COL6A6: variants seen among roughly 807,000 people sequenced by gnomAD.
COL6A6 encodes the protein collagen type VI alpha 6 chain.
COL6A6 carries 183 observed loss-of-function variants against 208.6 expected under a neutral mutation model. That is an observed-to-expected ratio of 0.88 (90% CI 0.78 to 0.99). The LOEUF (loss-of-function observed/expected upper bound fraction) is 0.99, where lower values mean the gene tolerates loss of function less well. Ranked by LOEUF, COL6A6 falls within the 50% of genes least tolerant of loss-of-function variation. The probability of loss-of-function intolerance (pLI) is 0.00; values close to 1 mark genes in which losing one functional copy is unlikely to be tolerated. For synonymous variants in COL6A6, 973 were observed against 1,011.8 expected (o/e 0.96, Z 0.73); for missense variants, 2,816 against 2,815.2 (o/e 1.00, Z -0.01).
chr3:130,528,735 A>G (rs2062016504), intron 1 of COL6A6, among the ~76,000 whole-genome samples: 1 of 152,092 alleles, frequency 6.6e-6, no homozygotes, highest in South Asian at 2.1e-4. Flanking sequence ...TCAGGTTCCT[A>G]TTTCAGATCA....
intron 3 of COL6A6, among the ~76,000 whole-genome samples, chr3:130,564,427 A>G (rs973889313): frequency 2.0e-5 from 3 of 152,242 alleles, no homozygotes; most frequent in Non-Finnish European, 4.4e-5. Context: ...ATGTCCAAAT[A>G]TGTTATATAG....
intron 29 of COL6A6, 145 bp from the exon 30 acceptor site, chr3:130,642,687 C>T (rs954139718): frequency 1.5e-6 from 1 of 654,198 alleles, no homozygotes; most frequent in Non-Finnish European, 2.6e-6. Flanking sequence ...TAATGAGTAC[C>T]TACCTGCATT....
Position 130,571,140 on chromosome 3 carries a change from C to G in COL6A6, c.2724C>G (p.Asn908Lys). 6.2e-7 allele frequency: 1 copy of G among 1,613,790 alleles called. No individual in the cohort carries two copies. The highest frequency in any genetic ancestry group is 8.5e-7 in the Non-Finnish European group (1 of 1,179,734). Residue 908 changes from asparagine to lysine, a missense_variant, in exon 7 of 37, where the codon AAC becomes AAG. Asn to Lys is a moderately conservative substitution (Grantham distance 94, BLOSUM62 0). Coordinates refer to ENST00000358511, the MANE Select transcript of COL6A6 (RefSeq NM_001102608.3). Reference sequence around the variant, plus strand: ...CTGAAGCCCGGGGCAGCCGCCTGAACAAGGGGGTCCCCCAAGTCCTCATTG... The same window carrying G: ...CTGAAGCCCGGGGCAGCCGCCTGAAGAAGGGGGTCCCCCAAGTCCTCATTG... ...MFTEARGSRLNKGVPQVLIVI... is the reference protein window; with the variant it reads ...MFTEARGSRLKKGVPQVLIVI...
chr3:130,582,196 G>C (rs903609427), intron 10 of COL6A6, 128 bp downstream of exon 10: 1 of 633,050 alleles, frequency 1.6e-6, no homozygotes, highest in Non-Finnish European at 2.7e-6. Context: ...TCCGTATTCT[G>C]TATGTACTAG....
chr3:130,542,346 T>C (rs1485644100), intron 1 of COL6A6, among the ~76,000 whole-genome samples: 1 of 152,170 alleles, frequency 6.6e-6, no homozygotes, highest in Admixed American at 6.5e-5. Flanking sequence ...CCAGCTACAT[T>C]TTTTGTTATT....
Position 130,574,147 on chromosome 3 carries a change from T to C in COL6A6, c.3169T>C (p.Phe1057Leu). The change falls in exon 8 of 37, where the codon TTC becomes CTC. Residue 1057 changes from phenylalanine (F) to leucine (L), a missense_variant. Transcript: ENST00000358511. ...TYHPEFPLGT[F>L]IGEKEISFQI... is the part of the protein sequence containing the mutation. ...TCACCCGGAGTTTCCACTGGGAACTTTCATAGGTGAAAAAGAGATATCATT... is the reference window on the plus strand; with the variant it reads ...TCACCCGGAGTTTCCACTGGGAACTCTCATAGGTGAAAAAGAGATATCATT... The C allele has an allele frequency of 1.2e-6, 2 of 1,613,960 alleles. No homozygotes were observed. Among genetic ancestry groups the C allele is most frequent in the Non-Finnish European group, 1.7e-6 (2 of 1,179,884 alleles).
intron 28 of COL6A6, among the ~76,000 whole-genome samples, chr3:130,640,235 T>A (rs933763826): frequency 9.2e-5 from 14 of 152,248 alleles, no homozygotes; most frequent in African/African-American, 3.1e-4. Context: ...GGTTCTTGGC[T>A]TTCCCTGCTG....
chr3:130,535,221 C>G (rs1441907328), intron 1 of COL6A6, among the ~76,000 whole-genome samples: 1 of 152,024 alleles, frequency 6.6e-6, no homozygotes, highest in Non-Finnish European at 1.5e-5. Context: ...TTTTTCTTTG[C>G]TTTACTCTGG....
At chr3:130,522,304 C>T (rs143159633) in intron 1 of COL6A6, among the ~76,000 whole-genome samples, 10 of 152,280 alleles carry the variant, frequency 6.6e-5, no homozygotes, top group Non-Finnish European at 4.4e-5. Flanking sequence ...TGGAAACTGT[C>T]ATGGGACATG....
At chr3:130,586,197 G>A (rs1348208091) in intron 10 of COL6A6, among the ~76,000 whole-genome samples, 5 of 152,158 alleles carry the variant, frequency 3.3e-5, no homozygotes, top group Non-Finnish European at 5.9e-5. Context: ...CTTAGTGTGT[G>A]AATTTCTCTT....
At chr3:130,520,273 C>T (rs1490346407) in intron 1 of COL6A6, among the ~76,000 whole-genome samples, 1 of 152,174 alleles carries the variant, frequency 6.6e-6, no homozygotes, top group Non-Finnish European at 1.5e-5. Context: ...AATTTTAAAG[C>T]AGTTACCAAA....
chr3:130,543,793 C>G (rs1463930356), intron 1 of COL6A6, among the ~76,000 whole-genome samples: 1 of 151,890 alleles, frequency 6.6e-6, no homozygotes, highest in African/African-American at 2.4e-5. Context: ...ATTTTATTTT[C>G]TGATGCTTTT....
At chr3:130,560,644 G>T (rs563815221) in intron 2 of COL6A6, among the ~76,000 whole-genome samples, 41 of 152,264 alleles carry the variant, frequency 2.7e-4, no homozygotes, top group African/African-American at 9.9e-4. Context: ...TAATAGATAT[G>T]AGAGCTGTCA....
intron 21 of COL6A6, among the ~76,000 whole-genome samples, chr3:130,607,556 G>A (rs2064221710): frequency 6.6e-6 from 1 of 152,088 alleles, no homozygotes; most frequent in Non-Finnish European, 1.5e-5. Context: ...TGGCAACATG[G>A]TGAGACTCCA....
At position 130,566,875 on chromosome 3, in the gene COL6A6, T is replaced by A; in HGVS notation, c.1456T>A (p.Leu486Met). The change falls in exon 5 of 37, where the codon TTG becomes ATG. Residue 486 changes from leucine to methionine, a missense_variant. Coordinates refer to ENST00000358511, the MANE Select transcript of COL6A6 (RefSeq NM_001102608.3). ...CGTTCAGTATGCTGACAGCTGGGAC[T>A]TGGAATTTGAGATCAATAAATACTC... The part of the protein sequence containing the change: ...GAVQYADSWD[L>M]EFEINKYSNK... 1 of 1,614,004 alleles carries A rather than the reference T, an allele frequency of 6.2e-7. No homozygotes were observed. The highest frequency in any genetic ancestry group is 8.5e-7 in the Non-Finnish European group (1 of 1,179,884).
chr3:130,616,769 T>G (rs946463035), intron 23 of COL6A6, among the ~76,000 whole-genome samples: 12 of 152,136 alleles, frequency 7.9e-5, no homozygotes, highest in Non-Finnish European at 7.4e-5. Context: ...GTAAATGGTA[T>G]ACGGTCTGGA....
At chr3:130,612,291 AAAT>A (rs2064383374) in intron 23 of COL6A6, among the ~76,000 whole-genome samples, 1 of 152,148 alleles carries the variant, frequency 6.6e-6, no homozygotes, top group Non-Finnish European at 1.5e-5. Context: ...TCTTTTGGGT[AAAT>A]AATAATGGGA....
chr3:130,594,424 T>A (rs895944751), intron 18 of COL6A6, 81 bp downstream of exon 18: 24 of 1,081,112 alleles, frequency 2.2e-5, no homozygotes, highest in Non-Finnish European at 3.2e-5. Context: ...TTCAAGGTAC[T>A]ACAATAGTAA....
At position 130,601,325 on chromosome 3, in the gene COL6A6, G is replaced by A. The variant is rs1319283944; in HGVS notation, c.4653+1515G>A. Among the ~76,000 whole-genome samples, 5 of 148,922 alleles carry A rather than the reference G, an allele frequency of 3.4e-5. No homozygotes were observed. The East Asian group carries it at 6.0e-4, about 18-fold the overall frequency. On this transcript the variant is annotated intron_variant, in intron 20 of 36. Transcript: ENST00000358511. ...ATAGAGCCAGCTATTACACTCCATC[G>A]AAAAATATTTTTTTTATCTTGGAGC...
Sources: gnomAD v4.1 joint callset for allele counts (sites outside exome capture counted in the v4.1 genomes callset) on GRCh38, gnomAD v4.1.1 for gene constraint, MANE v1.5 for transcripts, NCBI Gene and HGNC (gene_info 2026-07-23, HGNC 2026-07-21) for gene names.